DIAPH3: variants seen among roughly 807,000 people sequenced by gnomAD.
DIAPH3 encodes diaphanous related formin 3.
DIAPH3 carries 117 observed loss-of-function variants against 144.3 expected under a neutral mutation model. That is an observed-to-expected ratio of 0.81 (90% CI 0.70 to 0.95). The LOEUF is 0.95. Ranked by LOEUF, DIAPH3 falls within the 40% of genes least tolerant of loss-of-function variation. The pLI is 0.00. For synonymous variants in DIAPH3, 519 were observed against 488.9 expected (o/e 1.06, Z -0.81); for missense variants, 1,421 against 1,412.7 (o/e 1.01, Z -0.09).
rs1326966808 is a variant in DIAPH3, at chr13:60,163,569, G to C, written c.180+18C>G. On this transcript the variant is annotated intron_variant, in intron 1 of 27. Transcript: ENST00000400324. ...GCGGGGCGGGAGCGGCCCCACCCTA[G>C]CTCCAGGCGATACTCACAAACTTGG... 4.4e-6 allele frequency: 7 copies of C among 1,573,798 alleles called. No homozygotes were observed. The highest frequency in any genetic ancestry group is 6.1e-6 in the Non-Finnish European group (7 of 1,156,684).
At chr13:59,964,262 C>G (rs1034112063) in intron 17 of DIAPH3, among the ~76,000 whole-genome samples, 4 of 152,052 alleles carry the variant, frequency 2.6e-5, no homozygotes, top group Admixed American at 2.6e-4. Context: ...TCCAATCTAC[C>G]ATTCGTCAAG....
chr13:59,743,343 A>C (rs2036556098), intron 27 of DIAPH3, among the ~76,000 whole-genome samples: 1 of 152,190 alleles, frequency 6.6e-6, no homozygotes. Flanking sequence ...GAGATAGAAT[A>C]AATCATGCTT....
chr13:59,999,178 G>A (rs1485430439), intron 9 of DIAPH3, among the ~76,000 whole-genome samples: 2 of 152,004 alleles, frequency 1.3e-5, no homozygotes, highest in Non-Finnish European at 2.9e-5. Flanking sequence ...TTTAATGTGA[G>A]TATTCAATGG....
Position 59,861,509 on chromosome 13 carries a change from T to G in DIAPH3, c.2635A>C (p.Lys879Gln). The G allele has an allele frequency of 6.2e-7, 1 of 1,613,826 alleles. No individual in the cohort carries two copies. The highest frequency in any genetic ancestry group is 1.1e-5 in the South Asian group (1 of 91,078). The change falls in exon 22 of 28, where the codon AAA (lysine) becomes CAA (glutamine). Residue 879 changes from lysine to glutamine, a missense_variant. Transcript: ENST00000400324. ...ACCAGGAAATGAAGTAGCGTTGTTT[T>G]CTGATCTGCTGATTTTGTGTCCTTT... Reference protein sequence around the residue: ...KLKDTKSADQKTTLLHFLVEI... With the variant: ...KLKDTKSADQQTTLLHFLVEI...
chr13:59,762,052 CTTTTTTTTTTTTTT>C (rs35387511), intron 27 of DIAPH3, among the ~76,000 whole-genome samples: 17 of 59,522 alleles, frequency 2.9e-4, no homozygotes, highest in African/African-American at 6.3e-4. Flanking sequence ...GCGTCAGCAT[CTTTTTTTTTTTTTT>C]TTTTTTTTTT....
At position 60,093,698 on chromosome 13, in the gene DIAPH3, G is replaced by A; in HGVS notation, c.425C>T (p.Pro142Leu). The A allele has an allele frequency of 6.2e-7, 1 of 1,612,572 alleles. No individual in the cohort carries two copies. The highest frequency in any genetic ancestry group is 8.5e-7 in the Non-Finnish European group (1 of 1,179,408). Residue 142 changes from proline to leucine, a missense_variant, in exon 4 of 28, where the codon CCA becomes CTA. By Grantham distance (98) the Pro-to-Leu change is moderately conservative. Coordinates refer to ENST00000400324, the MANE Select transcript of DIAPH3 (RefSeq NM_001042517.2). ...GATACTGAAGTCCTTTTCCCGCAAT[G>A]GTGCCTTTTTATCTTCATTTAAATT... Reference protein sequence around the residue: ...DMNLNEDKKAPLREKDFSIKK... With the variant: ...DMNLNEDKKALLREKDFSIKK...
At chr13:59,832,908 T>C (rs2041850270) in intron 24 of DIAPH3, 199 bp downstream of exon 24, 1 of 550,230 alleles carries the variant, frequency 1.8e-6, no homozygotes, top group Non-Finnish European at 3.3e-6. Context: ...AAATGTCTGA[T>C]TACAGCTTAA....
intron 3 of DIAPH3, among the ~76,000 whole-genome samples, chr13:60,094,945 G>GT (rs1426809670): frequency 6.6e-6 from 1 of 152,030 alleles, no homozygotes; most frequent in Admixed American, 6.6e-5. Flanking sequence ...GTTTTGTTTC[G>GT]TTTTTTTCTC....
intron 18 of DIAPH3, among the ~76,000 whole-genome samples, chr13:59,922,034 G>C (rs1421966108): frequency 1.3e-5 from 2 of 151,930 alleles, no homozygotes; most frequent in South Asian, 2.1e-4. Context: ...AACAAATTAG[G>C]TATAGAAGAA....
chr13:59,927,214 A>G (rs1190434761), intron 17 of DIAPH3, among the ~76,000 whole-genome samples: 1 of 152,074 alleles, frequency 6.6e-6, no homozygotes, highest in Non-Finnish European at 1.5e-5. Flanking sequence ...GTTTATCTTT[A>G]CAGGTGAAGT....
intron 17 of DIAPH3, among the ~76,000 whole-genome samples, chr13:59,932,147 A>AT (rs1379403405): frequency 1.3e-5 from 2 of 152,108 alleles, no homozygotes; most frequent in Non-Finnish European, 2.9e-5. Context: ...TATACATTTT[A>AT]TTTTCTTGTC....
chr13:59,677,333 C>T lies in DIAPH3; in HGVS notation c.3320-10487G>A, dbSNP rs1010306083. On this transcript the variant is annotated intron_variant, in intron 27 of 27. Coordinates refer to ENST00000400324, the MANE Select transcript of DIAPH3 (RefSeq NM_001042517.2). ...TGAGGACTCAACATTGAGACTAGAACGGTACTGTCCAATAGAAATTTAATG... is the reference window on the plus strand; with the variant it reads ...TGAGGACTCAACATTGAGACTAGAATGGTACTGTCCAATAGAAATTTAATG... Among the ~76,000 whole-genome samples the T allele has an allele frequency of 5.9e-5, 9 of 151,340 alleles. No individual in the cohort carries two copies. The East Asian group carries it at 7.8e-4, about 13-fold the overall frequency.
At chr13:59,681,626 A>G (rs919440614) in intron 27 of DIAPH3, among the ~76,000 whole-genome samples, 1 of 152,000 alleles carries the variant, frequency 6.6e-6, no homozygotes, top group Non-Finnish European at 1.5e-5. Context: ...ATTTCAGGCT[A>G]TATTTTACAA....
At chr13:59,750,750 A>G (rs1593748784) in intron 27 of DIAPH3, among the ~76,000 whole-genome samples, 1 of 152,276 alleles carries the variant, frequency 6.6e-6, no homozygotes, top group East Asian at 1.9e-4. Context: ...AAAAGGAATA[A>G]CCGTTGATCT....
At chr13:60,010,035 G>C (rs1042497896) in intron 8 of DIAPH3, among the ~76,000 whole-genome samples, 2 of 151,988 alleles carry the variant, frequency 1.3e-5, no homozygotes, top group Non-Finnish European at 2.9e-5. Context: ...TACAGCTCTA[G>C]TGTGTGCTTT....
intron 27 of DIAPH3, among the ~76,000 whole-genome samples, chr13:59,686,173 T>C (rs75627574): frequency 1.2e-3 from 176 of 152,226 alleles, no homozygotes; most frequent in African/African-American, 4.0e-3. Flanking sequence ...GAATCTGCTA[T>C]AGGAGAAAGA....
intron 2 of DIAPH3, among the ~76,000 whole-genome samples, chr13:60,125,524 C>T (rs1239158649): frequency 6.7e-6 from 1 of 150,374 alleles, no homozygotes; most frequent in Non-Finnish European, 1.5e-5. Flanking sequence ...TGATTACAGA[C>T]ATGAGCCACT....
chr13:60,053,746 T>C (rs78770868), intron 4 of DIAPH3, among the ~76,000 whole-genome samples: 2,132 of 152,200 alleles, frequency 0.014, 65 homozygotes, highest in East Asian at 0.1. Flanking sequence ...TAAGAATACA[T>C]TGAATTTCTA....
chr13:59,998,557 G>C (rs1004978907), intron 9 of DIAPH3, among the ~76,000 whole-genome samples: 1 of 151,990 alleles, frequency 6.6e-6, no homozygotes, highest in Admixed American at 6.6e-5. Flanking sequence ...AATAAATGAA[G>C]AAATGTATTA....
Sources: gnomAD v4.1 joint callset for allele counts (sites outside exome capture counted in the v4.1 genomes callset) on GRCh38, gnomAD v4.1.1 for gene constraint, MANE v1.5 for transcripts, NCBI Gene and HGNC (gene_info 2026-07-23, HGNC 2026-07-21) for gene names.